WDR18: variants seen among roughly 807,000 people sequenced by gnomAD.
WDR18 encodes the protein WD repeat-containing protein 18.
WDR18 carries 33 observed loss-of-function variants against 49.6 expected under a neutral mutation model. That is an observed-to-expected ratio of 0.67 (90% confidence interval 0.50 to 0.89). The LOEUF (loss-of-function observed/expected upper bound fraction) is 0.89. Among genes scored for constraint, WDR18 ranks in the 40% least tolerant of loss-of-function variants. The probability of loss-of-function intolerance (pLI) is 0.00; values close to 1 mark genes in which losing one functional copy is unlikely to be tolerated. For missense variants in WDR18, 653 were observed against 593.6 expected (o/e 1.10, Z -1.04); for synonymous variants, 315 against 263.6 (o/e 1.19, Z -1.89).
In WDR18 at chr19:990,304, C is replaced by A; in HGVS notation, c.537C>A (p.His179Gln). Residue 179 changes from histidine (H) to glutamine (Q), a missense_variant, in exon 4 of 10, where the codon CAC becomes CAA. Physicochemically the swap from His to Gln is conservative, Grantham distance 24 (BLOSUM62 0). Coordinates refer to ENST00000585809, the MANE Select transcript of WDR18 (RefSeq NM_024100.4). ...SHHALPITDL[H>Q]CGFGGPLARV... ...ACGCGCTCCCCATCACGGACCTGCA[C>A]TGCGGCTTTGGGGGCCCCCTGGCCC... is the stretch of plus-strand genomic sequence containing the variant. 6.3e-7 allele frequency: 1 copy of A among 1,598,100 alleles called. No individual in the cohort carries two copies. Among genetic ancestry groups the A allele is most frequent in the Non-Finnish European group, 8.5e-7 (1 of 1,178,518 alleles).
intron 2 of WDR18, among the ~76,000 whole-genome samples, chr19:986,587 C>A (rs528089780): frequency 4.7e-4 from 71 of 152,278 alleles, no homozygotes; most frequent in Admixed American, 1.8e-3. Context: ...CTTTTTCTTA[C>A]CGCTGGACCA....
intron 2 of WDR18, among the ~76,000 whole-genome samples, chr19:988,597 G>A (rs572226723): frequency 1.6e-4 from 25 of 152,322 alleles, no homozygotes; most frequent in African/African-American, 4.8e-4. Flanking sequence ...AAAGCACGAC[G>A]CACAGGGACT....
intron 2 of WDR18, among the ~76,000 whole-genome samples, chr19:988,858 C>G (rs1449283947): frequency 6.6e-6 from 1 of 152,166 alleles, no homozygotes; most frequent in Non-Finnish European, 1.5e-5. Context: ...TGGATGCCCC[C>G]GCTCCAGAAC....
rs1469580633 is a variant in WDR18 at position 992,012 on chromosome 19, T to C, written c.989T>C (p.Phe330Ser). The C allele has an allele frequency of 4.4e-6, 7 of 1,596,954 alleles. No individual in the cohort carries two copies. The highest frequency in any genetic ancestry group is 1.7e-5 in the Admixed American group (1 of 59,366). ...LAPVSMLSSD[F>S]RPSLPLPHFN... is the part of the protein sequence containing the mutation. ...CCCGTCAGCATGCTGAGCTCAGACT[T>C]CAGGCCCAGCCTGCCGCTGCCCCAC... The change falls in exon 8 of 10, where the codon TTC becomes TCC. Residue 330 changes from phenylalanine to serine, a missense_variant. Coordinates refer to ENST00000585809, the MANE Select transcript of WDR18 (RefSeq NM_024100.4).
chr19:984,368 G>A lies in WDR18; in HGVS notation c.15G>A (p.Met5Ile). MAAPMEVAVCTDSAA... is the reference protein window; with the variant it reads MAAPIEVAVCTDSAA... ...GGGAAGGCAAGATGGCGGCGCCCAT[G>A]GAGGTGGCCGTGTGTACGGACTCGG... Residue 5 changes from methionine to isoleucine, a missense_variant, in exon 1 of 10, where the codon ATG becomes ATA. By Grantham distance (10) the Met-to-Ile change is conservative (BLOSUM62 1). Transcript: ENST00000585809. The A allele has an allele frequency of 2.5e-6, 4 of 1,593,942 alleles. No individual in the cohort carries two copies. Among genetic ancestry groups the A allele is most frequent in the East Asian group, 2.4e-5 (1 of 42,028 alleles).
rs2038604020 is a variant in WDR18, at chr19:994,346, G to T, written c.*2G>T. 6.2e-7 allele frequency: 1 copy of T among 1,607,600 alleles called. No individual in the cohort carries two copies. The highest frequency in any genetic ancestry group is 8.5e-7 in the Non-Finnish European group (1 of 1,178,226). ...TTCATCACGCGGCCGGCCAAGTGAG[G>T]CCCGGAGACCCCGGCCCGAGGCGCC... On this transcript the variant is annotated 3_prime_UTR_variant, in exon 10 of 10. Coordinates refer to ENST00000585809, the MANE Select transcript of WDR18 (RefSeq NM_024100.4).
chr19:984,994 A>G (rs534822435), intron 1 of WDR18, among the ~76,000 whole-genome samples: 6 of 152,250 alleles, frequency 3.9e-5, no homozygotes, highest in South Asian at 4.1e-4. Flanking sequence ...TATTCCTCCA[A>G]TAAAGCAACA....
At chr19:985,745 A>G in intron 1 of WDR18, 120 bp from the exon 2 acceptor site, 1 of 861,648 alleles carries the variant, frequency 1.2e-6, no homozygotes, top group Non-Finnish European at 1.9e-6. Flanking sequence ...CCTGCTCCCG[A>G]CTCCTCTTCC....
In WDR18 at chr19:994,218, G is replaced by A. The variant is rs763583222; in HGVS notation, c.1173G>A (p.Val391=). 5 of 1,601,716 alleles carry A rather than the reference G, an allele frequency of 3.1e-6. No individual in the cohort carries two copies. The highest frequency in any genetic ancestry group is 3.4e-6 in the Non-Finnish European group (4 of 1,176,424). Residue 391 remains valine (V), a synonymous_variant, in exon 10 of 10, where the codon GTG becomes GTA. Transcript: ENST00000585809. ...GACCCCGACTTCTCCCGCAGAGCGT[G>A]CTCGGCGGCCAGGACCAGCTGCGCG... ...AVLCSTMEKS[V]LGGQDQLRVR...
chr19:992,073 C>A lies in WDR18; in HGVS notation c.1050C>A (p.Asp350Glu). 6.4e-7 allele frequency: 1 copy of A among 1,553,584 alleles called. No individual in the cohort carries two copies. The highest frequency in any genetic ancestry group is 8.7e-7 in the Non-Finnish European group (1 of 1,155,804). The change falls in exon 8 of 10, where the codon GAC becomes GAA. Residue 350 changes from aspartate to glutamate, a missense_variant. Transcript: ENST00000585809. ...NKHLLGAEHGDEPRHGGLTLR... is the reference protein window; with the variant it reads ...NKHLLGAEHGEEPRHGGLTLR... ...ACCTGCTGGGCGCCGAGCACGGGGA[C>A]GAGCCGCGCCACGGGGGCCTCACTC...
Position 984,348 on chromosome 19 carries a change from G to A in WDR18, c.-6G>A, listed in dbSNP as rs2038450590. 3 of 1,587,604 alleles carry A rather than the reference G, an allele frequency of 1.9e-6. No individual in the cohort carries two copies. Among genetic ancestry groups the A allele is most frequent in the Non-Finnish European group, 2.6e-6 (3 of 1,169,370 alleles). ...GACGCACGTCCGGGGCGGTGGGGAA[G>A]GCAAGATGGCGGCGCCCATGGAGGT... is the stretch of plus-strand genomic sequence containing the variant. On this transcript the variant is annotated 5_prime_UTR_variant, in exon 1 of 10. Transcript: ENST00000585809.
chr19:987,571 C>G (rs2285897), intron 2 of WDR18, among the ~76,000 whole-genome samples: 93,981 of 151,944 alleles, frequency 0.62, 29,938 homozygotes, highest in Non-Finnish European at 0.71. Context: ...TTACATCTCA[C>G]TCCATGATTT....
intron 8 of WDR18, among the ~76,000 whole-genome samples, chr19:993,579 A>G (rs1303376684): frequency 3.3e-5 from 5 of 152,176 alleles, no homozygotes. Context: ...ACGTCCCTCC[A>G]TGTAACTGGT....
chr19:991,166 CG>C, intron 6 of WDR18, 21 bp downstream of exon 6: 2 of 1,554,266 alleles, frequency 1.3e-6, no homozygotes, highest in Non-Finnish European at 1.7e-6. Flanking sequence ...GGGAACGGGG[CG>C]GGGGCTCCCA....
upstream of WDR18, chr19:984,293 T>C (rs2038449761): frequency 7.3e-7 from 1 of 1,370,760 alleles, no homozygotes; most frequent in Non-Finnish European, 9.6e-7. Context: ...CTGGCCCGCG[T>C]GGGGCAGTCG....
At chr19:990,578 A>AG in intron 4 of WDR18, 1 of 860,718 alleles carries the variant, frequency 1.2e-6, no homozygotes, top group Non-Finnish European at 1.7e-6. Flanking sequence ...CTCCCTGGCC[A>AG]AGCCTGGGGA....
At position 984,365 on chromosome 19, in the gene WDR18, C is replaced by T. The variant is rs1187887897; in HGVS notation, c.12C>T (p.Pro4=). ...GTGGGGAAGGCAAGATGGCGGCGCC[C>T]ATGGAGGTGGCCGTGTGTACGGACT... MAA[P]MEVAVCTDSA... The change falls in exon 1 of 10, where the codon CCC becomes CCT. Residue 4 remains proline, a synonymous_variant. Coordinates refer to ENST00000585809, the MANE Select transcript of WDR18 (RefSeq NM_024100.4). 6.3e-7 allele frequency: 1 copy of T among 1,593,136 alleles called. No individual in the cohort carries two copies. The highest frequency in any genetic ancestry group is 8.5e-7 in the Non-Finnish European group (1 of 1,172,080).
intron 8 of WDR18, among the ~76,000 whole-genome samples, chr19:992,547 C>T (rs1027729357): frequency 1.3e-5 from 2 of 152,220 alleles, no homozygotes; most frequent in Non-Finnish European, 2.9e-5. Context: ...GCAGGTGGCT[C>T]CCACGTGGGC....
chr19:992,101 C>T lies in WDR18; in HGVS notation c.1078C>T (p.Arg360Cys), dbSNP rs776774058. 15 of 1,503,656 alleles carry T rather than the reference C, an allele frequency of 1.0e-5. No homozygotes were observed. The East Asian group carries it at 1.6e-4, about 16-fold the overall frequency. The allele number at this position is 1,503,656 out of a possible 1,614,324, so 93.1% of individuals were successfully genotyped here. A position where few individuals can be genotyped will look rare whatever the true frequency, so the allele number is the denominator to read the frequency against. The change falls in exon 8 of 10, where the codon CGC becomes TGC. Residue 360 changes from arginine to cysteine, a missense_variant. Physicochemically the swap from Arg to Cys is radical, Grantham distance 180. Coordinates refer to ENST00000585809, the MANE Select transcript of WDR18 (RefSeq NM_024100.4). ...GCCGCGCCACGGGGGCCTCACTCTG[C>T]GCCTGGGCCTCCACCAGCAGGTACG... Reference protein sequence around the residue: ...DEPRHGGLTLRLGLHQQGSEP... With the variant: ...DEPRHGGLTLCLGLHQQGSEP...
Sources: gnomAD v4.1 joint callset for allele counts (sites outside exome capture counted in the v4.1 genomes callset) on GRCh38, gnomAD v4.1.1 for gene constraint, MANE v1.5 for transcripts, NCBI Gene and HGNC (gene_info 2026-07-23, HGNC 2026-07-21) for gene names.